CUBN: variants seen among roughly 807,000 people sequenced by gnomAD.
The protein encoded by CUBN is cubilin, also known as 460 kDa receptor.
A neutral mutation model predicts 405.3 loss-of-function variants in CUBN; 282 were observed. That is an observed-to-expected ratio of 0.70 (90% confidence interval 0.63 to 0.77). The LOEUF (loss-of-function observed/expected upper bound fraction) is 0.77. CUBN is among the 30% of genes least tolerant of loss of function. The pLI is 0.00. For synonymous variants in CUBN, 1,684 were observed against 1,617.0 expected (o/e 1.04, Z -0.99); for missense variants, 4,514 against 4,475.2 (o/e 1.01, Z -0.25).
intron 40 of CUBN, among the ~76,000 whole-genome samples, chr10:16,928,519 A>ACCCC (rs1564428886): frequency 1.2e-5 from 1 of 84,046 alleles, no homozygotes; most frequent in African/African-American, 4.4e-5. Flanking sequence ...CCCCCACCCC[A>ACCCC]CCCCACCCCC....
chr10:17,059,075 A>G (rs948090107), intron 22 of CUBN, among the ~76,000 whole-genome samples: 14 of 151,978 alleles, frequency 9.2e-5, no homozygotes, highest in African/African-American at 3.4e-4. Flanking sequence ...ATCAAAGACA[A>G]CTGTTGGCAA....
intron 28 of CUBN, among the ~76,000 whole-genome samples, chr10:17,004,857 A>C (rs1833975712): frequency 6.6e-6 from 1 of 151,996 alleles, no homozygotes; most frequent in South Asian, 2.1e-4. Context: ...TTTAGTAGAG[A>C]TGGGGTGGGC....
At chr10:17,041,256 T>C (rs763643956) in intron 26 of CUBN, 36 bp from the exon 27 acceptor site, 24 of 1,545,002 alleles carry the variant, frequency 1.6e-5, no homozygotes, top group Non-Finnish European at 2.1e-5. Context: ...ACCACTATTA[T>C]ATACTTCATA....
chr10:17,017,666 A>G (rs1834368919), intron 28 of CUBN, among the ~76,000 whole-genome samples: 1 of 152,156 alleles, frequency 6.6e-6, no homozygotes, highest in South Asian at 2.1e-4. Context: ...AAAATTCCAG[A>G]TAGTACCCCC....
Position 17,116,663 on chromosome 10 carries a change from A to G in CUBN, c.594-1066T>C, listed in dbSNP as rs111971064. Among the ~76,000 whole-genome samples the G allele has an allele frequency of 1.4e-4, 22 of 152,356 alleles. No homozygotes were observed. In the East Asian group the frequency reaches 2.3e-3, roughly 16 times the overall value. On this transcript the variant is annotated intron_variant, in intron 6 of 66. Coordinates refer to ENST00000377833, the MANE Select transcript of CUBN (RefSeq NM_001081.4). ...TAGTAATGTTCATGGATGACAATGT[A>G]TGAACGACATTGTGGGAAATTAGCA...
chr10:16,999,302 T>TA (rs1269517300), intron 28 of CUBN, among the ~76,000 whole-genome samples: 1 of 152,228 alleles, frequency 6.6e-6, no homozygotes, highest in Non-Finnish European at 1.5e-5. Flanking sequence ...ATTTTGGAGT[T>TA]TCTGTGTAAT....
At chr10:17,050,862 AC>A (rs1330023254) in intron 22 of CUBN, among the ~76,000 whole-genome samples, 1 of 152,178 alleles carries the variant, frequency 6.6e-6, no homozygotes, top group Non-Finnish European at 1.5e-5. Context: ...AGGGATGTTC[AC>A]AAATATTCTT....
intron 26 of CUBN, among the ~76,000 whole-genome samples, chr10:17,042,307 G>A (rs1007936734): frequency 6.6e-6 from 1 of 152,102 alleles, no homozygotes; most frequent in African/African-American, 2.4e-5. Flanking sequence ...AGGCAGATAG[G>A]CATCACGTGC....
intron 62 of CUBN, among the ~76,000 whole-genome samples, chr10:16,838,780 G>A (rs1035997505): frequency 6.6e-6 from 1 of 152,170 alleles, no homozygotes; most frequent in African/African-American, 2.4e-5. Flanking sequence ...GAGTAGCTGG[G>A]ATTACAAGCG....
intron 27 of CUBN, among the ~76,000 whole-genome samples, chr10:17,031,228 A>C (rs1463762003): frequency 6.6e-6 from 1 of 152,222 alleles, no homozygotes; most frequent in East Asian, 1.9e-4. Flanking sequence ...GAAATGAATC[A>C]TTAATTATAT....
At chr10:16,863,108 T>C (rs1289047034) in intron 59 of CUBN, among the ~76,000 whole-genome samples, 1 of 152,224 alleles carries the variant, frequency 6.6e-6, no homozygotes, top group African/African-American at 2.4e-5. Context: ...AAAGTTTTGG[T>C]GAACTAAGCA....
chr10:17,066,811 A>G (rs1451613866), intron 21 of CUBN, among the ~76,000 whole-genome samples: 2 of 152,222 alleles, frequency 1.3e-5, no homozygotes, highest in African/African-American at 4.8e-5. Context: ...ATTTTAAAAT[A>G]TCAAAAGATT....
At chr10:16,994,672 T>C (rs1032825348) in intron 28 of CUBN, among the ~76,000 whole-genome samples, 5 of 152,328 alleles carry the variant, frequency 3.3e-5, no homozygotes, top group Admixed American at 2.0e-4. Flanking sequence ...ACCTGTCTGG[T>C]TGAATGAACA....
Position 16,920,087 on chromosome 10 carries a change from T to C in CUBN, c.6697A>G (p.Thr2233Ala), listed in dbSNP as rs549421698. The C allele has an allele frequency of 6.2e-6, 10 of 1,613,106 alleles. No individual in the cohort carries two copies. The highest frequency in any genetic ancestry group is 8.5e-6 in the Non-Finnish European group (10 of 1,179,832). ...TAATTATGAGGGTGGTTGGGGGAGG[T>C]CACATACCCAGCAGAATCAGCATCA... ...IHDADSAGYV[T>A]SPNHPHNYPP... is the part of the protein sequence containing the mutation. Residue 2233 changes from threonine to alanine, a missense_variant, in exon 44 of 67, where the codon ACC becomes GCC. Thr to Ala is a moderately conservative substitution (Grantham distance 58). Transcript: ENST00000377833.
At position 17,122,897 on chromosome 10, in the gene CUBN, C is replaced by T; in HGVS notation, c.491G>A (p.Gly164Asp). The T allele has an allele frequency of 6.2e-7, 1 of 1,611,532 alleles. No individual in the cohort carries two copies. Among genetic ancestry groups the T allele is most frequent in the South Asian group, 1.1e-5 (1 of 91,036 alleles). The change falls in exon 6 of 67, where the codon GGT becomes GAT. Residue 164 changes from glycine (G) to aspartate (D), a missense_variant and splice_region_variant. Coordinates refer to ENST00000377833, the MANE Select transcript of CUBN (RefSeq NM_001081.4). ...FFCICPPQWK[G>D]PLCSADVNEC... ...GTTAACATCAGCTGAGCAGAGAGGA[C>T]CCTGTGATCATATAAGGAACAAAGT...
intron 14 of CUBN, among the ~76,000 whole-genome samples, chr10:17,091,589 A>T (rs1836260894): frequency 6.6e-6 from 1 of 152,204 alleles, no homozygotes; most frequent in South Asian, 2.1e-4. Context: ...TGAATAACTC[A>T]TCTAAATACT....
chr10:16,860,172 G>C (rs535070490), intron 59 of CUBN, among the ~76,000 whole-genome samples: 3 of 151,950 alleles, frequency 2.0e-5, no homozygotes, highest in Admixed American at 6.6e-5. Context: ...TAGTACAAAG[G>C]TCTATCTAAA....
intron 35 of CUBN, among the ~76,000 whole-genome samples, chr10:16,947,645 TG>T (rs569272684): frequency 2.6e-4 from 40 of 152,328 alleles, no homozygotes; most frequent in African/African-American, 8.4e-4. Flanking sequence ...ATAAAAGACT[TG>T]TTTACCATCC....
intron 21 of CUBN, among the ~76,000 whole-genome samples, chr10:17,066,670 T>C (rs555296072): frequency 2.6e-5 from 4 of 152,164 alleles, no homozygotes; most frequent in East Asian, 3.9e-4. Context: ...GTTCTGTATT[T>C]TGCAGTGGTG....
Sources: gnomAD v4.1 joint callset for allele counts (sites outside exome capture counted in the v4.1 genomes callset) on GRCh38, gnomAD v4.1.1 for gene constraint, MANE v1.5 for transcripts, NCBI Gene and HGNC (gene_info 2026-07-23, HGNC 2026-07-21) for gene names.